Variants in MAGI3 observed in about 807,000 individuals in gnomAD.
MAGI3 encodes membrane-associated guanylate kinase, WW and PDZ domain-containing protein 3.
Under a neutral mutation model 121.8 loss-of-function variants are expected in MAGI3, and 43 were observed. The ratio of observed to expected loss-of-function variants is 0.35; its 90% CI spans 0.28 to 0.46. The LOEUF is 0.46. MAGI3 is among the 20% of genes least tolerant of loss of function. The probability of loss-of-function intolerance (pLI) is 1.00; values close to 1 mark genes in which losing one functional copy is unlikely to be tolerated. For missense variants in MAGI3, 1,547 were observed against 1,797.3 expected (o/e 0.86, Z 2.52); for synonymous variants, 553 against 639.3 (o/e 0.86, Z 2.04).
intron 1 of MAGI3, among the ~76,000 whole-genome samples, chr1:113,416,307 T>TAATTAATTATGC (rs1652378395): frequency 7.7e-6 from 1 of 129,808 alleles, no homozygotes; most frequent in African/African-American, 3.0e-5. Context: ...ATTAATTATG[T>TAATTAATTATGC]AATTAATTAT....
At chr1:113,439,591 C>T (rs977163750) in intron 1 of MAGI3, among the ~76,000 whole-genome samples, 9 of 152,040 alleles carry the variant, frequency 5.9e-5, no homozygotes, top group South Asian at 4.1e-4. Flanking sequence ...CTTTGAGCTC[C>T]GTGAGAACAT....
chr1:113,492,339 C>T (rs1656709924), intron 1 of MAGI3, among the ~76,000 whole-genome samples: 1 of 152,178 alleles, frequency 6.6e-6, no homozygotes, highest in African/African-American at 2.4e-5. Flanking sequence ...TAAAAACTCT[C>T]AATAAACTAG....
intron 1 of MAGI3, among the ~76,000 whole-genome samples, chr1:113,503,219 TAA>T (rs869272201): frequency 2.2e-4 from 2 of 8,974 alleles, no homozygotes; most frequent in Non-Finnish European, 3.1e-4. Context: ...AGAGTATAAT[TAA>T]AAAAAAAAAA....
chr1:113,467,729 C>T (rs1258752253), intron 1 of MAGI3, among the ~76,000 whole-genome samples: 5 of 152,070 alleles, frequency 3.3e-5, no homozygotes, highest in Admixed American at 6.6e-5. Flanking sequence ...GAGACAGGGC[C>T]TTGTTATGTT....
intron 1 of MAGI3, among the ~76,000 whole-genome samples, chr1:113,466,703 G>T (rs1364258264): frequency 6.6e-6 from 1 of 151,974 alleles, no homozygotes; most frequent in Non-Finnish European, 1.5e-5. Flanking sequence ...GTCAATATTG[G>T]TAGGTTTTAT....
Position 113,682,954 on chromosome 1 carries a change from C to CATT in MAGI3, c.3388_3390dup (p.Leu1130dup). On this transcript the variant is annotated inframe_insertion, in exon 21 of 21. Transcript: ENST00000307546. The stretch of plus-strand genomic sequence containing the variant: ...AATGTGATTTATGATGAACAGTCAC[C>CATT]ATTACCCCCATCTTCACATTTTGCT... 1 of 1,612,406 alleles carries CATT rather than the reference C, an allele frequency of 6.2e-7. No homozygotes were observed. The highest frequency in any genetic ancestry group is 8.5e-7 in the Non-Finnish European group (1 of 1,179,488).
At chr1:113,417,934 A>G (rs1272832760) in intron 1 of MAGI3, among the ~76,000 whole-genome samples, 2 of 152,192 alleles carry the variant, frequency 1.3e-5, no homozygotes, top group Non-Finnish European at 2.9e-5. Flanking sequence ...CCTAAAAGAA[A>G]GAAAACCTAA....
At chr1:113,416,599 A>G (rs976975195) in intron 1 of MAGI3, among the ~76,000 whole-genome samples, 9 of 149,150 alleles carry the variant, frequency 6.0e-5, no homozygotes, top group African/African-American at 2.2e-4. Flanking sequence ...ATTTCCCAGG[A>G]TAGGTAGAAC....
chr1:113,683,413 G>A lies in MAGI3; in HGVS notation c.3845G>A (p.Ser1282Asn). Residue 1282 changes from serine (S) to asparagine (N), a missense_variant, in exon 21 of 21, where the codon AGC becomes AAC. Transcript: ENST00000307546. ...AGSGQDQCRK[S>N]RGRSASPKKQ... is the part of the protein sequence containing the mutation. ...TCTGGACAAGATCAGTGCAGAAAAA[G>A]CAGAGGTCGGTCGGCCAGCCCAAAA... The A allele has an allele frequency of 6.2e-7, 1 of 1,614,024 alleles. No homozygotes were observed. The highest frequency in any genetic ancestry group is 8.5e-7 in the Non-Finnish European group (1 of 1,179,898).
At chr1:113,429,198 G>T (rs1653174418) in intron 1 of MAGI3, among the ~76,000 whole-genome samples, 1 of 152,178 alleles carries the variant, frequency 6.6e-6, no homozygotes, top group Admixed American at 6.5e-5. Context: ...ATGTCCACTA[G>T]CATTTTTTCA....
Position 113,450,117 on chromosome 1 carries a change from C to T in MAGI3, c.316+58768C>T, listed in dbSNP as rs1377312207. 3.5e-6 allele frequency: 5 copies of T among 1,447,460 alleles called. No homozygotes were observed. In the African/African-American group the frequency reaches 5.6e-5, roughly 16 times the overall value. 89.7% of individuals were successfully genotyped at this position (1,447,460 alleles called of 1,614,324 possible). On this transcript the variant is annotated intron_variant, in intron 1 of 20. Transcript: ENST00000307546. ...AACCATAGAAGTTACGGAAGACAGG[C>T]AGAGTGGGAAAAAGAGGATTTGCTT...
At chr1:113,594,441 C>T (rs757833882) in intron 5 of MAGI3, 40 bp from the exon 6 acceptor site, 2 of 1,499,848 alleles carry the variant, frequency 1.3e-6, no homozygotes, top group Non-Finnish European at 1.8e-6. Context: ...TTTTCTCCTC[C>T]TTTATTTTAC....
chr1:113,543,444 T>C (rs1030326252), intron 1 of MAGI3, among the ~76,000 whole-genome samples: 1 of 152,242 alleles, frequency 6.6e-6, no homozygotes, highest in African/African-American at 2.4e-5. Context: ...AGTTTCATTG[T>C]TGAAGAAACA....
At chr1:113,643,961 T>G (rs554693083) in intron 11 of MAGI3, among the ~76,000 whole-genome samples, 187 bp downstream of exon 11, 1 of 152,300 alleles carries the variant, frequency 6.6e-6, no homozygotes, top group Non-Finnish European at 1.5e-5. Flanking sequence ...TGAGGAGATG[T>G]GCTCCACTGG....
At chr1:113,599,086 C>T (rs1189393035) in intron 6 of MAGI3, among the ~76,000 whole-genome samples, 1 of 151,998 alleles carries the variant, frequency 6.6e-6, no homozygotes, top group East Asian at 1.9e-4. Context: ...GCCTTCATTT[C>T]GTTATGTACC....
chr1:113,433,845 C>T (rs1006537320), intron 1 of MAGI3, among the ~76,000 whole-genome samples: 5 of 152,046 alleles, frequency 3.3e-5, no homozygotes, highest in African/African-American at 9.7e-5. Context: ...GTTAAAAACC[C>T]CACAGGTAAT....
chr1:113,572,516 C>T lies in MAGI3; in HGVS notation c.434-8026C>T, dbSNP rs757703167. 8.4e-4 allele frequency among the ~76,000 whole-genome samples: 128 copies of T among 152,172 alleles called. 1 individual carries two copies. The highest frequency in any genetic ancestry group is 1.6e-3 in the Non-Finnish European group (112 of 68,034). ...TGGTAGAATTTGGCTGTGAATCCCT[C>T]TGATCCTGTGCTTTTTTTGGTTGGT... On this transcript the variant is annotated intron_variant, in intron 2 of 20. Transcript: ENST00000307546.
chr1:113,599,317 C>T (rs567172448), intron 6 of MAGI3, among the ~76,000 whole-genome samples: 3 of 151,876 alleles, frequency 2.0e-5, no homozygotes, highest in African/African-American at 7.2e-5. Flanking sequence ...ATTGATCGAC[C>T]ACTAGCAAGA....
chr1:113,461,543 C>G (rs1224797510), intron 1 of MAGI3, among the ~76,000 whole-genome samples: 2 of 152,282 alleles, frequency 1.3e-5, no homozygotes, highest in African/African-American at 2.4e-5. Context: ...GAAGCTGGAT[C>G]CCTTCCTTGC....
Sources: gnomAD v4.1 joint callset for allele counts (sites outside exome capture counted in the v4.1 genomes callset) on GRCh38, gnomAD v4.1.1 for gene constraint, MANE v1.5 for transcripts, NCBI Gene and HGNC (gene_info 2026-07-23, HGNC 2026-07-21) for gene names.